HNRNPR: variants seen among roughly 807,000 people sequenced by gnomAD.
The protein encoded by HNRNPR is heterogeneous nuclear ribonucleoprotein R.
Under a neutral mutation model 70.3 loss-of-function variants are expected in HNRNPR, and 4 were observed. The observed-to-expected ratio is 0.06, with a 90% confidence interval of 0.03 to 0.13. HNRNPR has a LOEUF of 0.13. Among genes scored for constraint, HNRNPR ranks in the 10% least tolerant of loss-of-function variants. The pLI is 1.00. For synonymous variants in HNRNPR, 241 were observed against 267.6 expected (o/e 0.90, Z 0.97); for missense variants, 423 against 788.5 (o/e 0.54, Z 5.55).
chr1:23,336,486 G>A (rs1360776916), intron 4 of HNRNPR, among the ~76,000 whole-genome samples: 1 of 145,036 alleles, frequency 6.9e-6, no homozygotes, highest in Non-Finnish European at 1.5e-5. Context: ...GCAGGAGAAT[G>A]GCGTGAACCC....
At chr1:23,342,800 T>C (rs1646752397) in intron 1 of HNRNPR, among the ~76,000 whole-genome samples, 1 of 152,124 alleles carries the variant, frequency 6.6e-6, no homozygotes, top group Admixed American at 6.5e-5. Flanking sequence ...TCAATGAACA[T>C]CTGTTAAGGT....
intron 1 of HNRNPR, among the ~76,000 whole-genome samples, chr1:23,341,258 A>C (rs2103911): frequency 0.56 from 84,444 of 151,692 alleles, 27,288 homozygotes; most frequent in Non-Finnish European, 0.73. Context: ...GGGTAAGATA[A>C]AGGCTTTAAT....
At chr1:23,337,703 G>T in intron 4 of HNRNPR, 51 bp downstream of exon 4, 1 of 1,013,452 alleles carries the variant, frequency 9.9e-7, no homozygotes, top group Non-Finnish European at 1.5e-6. Context: ...AGAGGCATTT[G>T]ACCTCATCAT....
In HNRNPR at chr1:23,333,563, T is replaced by C. The variant is rs774764178; in HGVS notation, c.453A>G (p.Pro151=). 1 of 1,613,924 alleles carries C rather than the reference T, an allele frequency of 6.2e-7. No individual in the cohort carries two copies. The highest frequency in any genetic ancestry group is 1.1e-5 in the South Asian group (1 of 91,076). The change falls in exon 5 of 11, where the codon CCA becomes CCG. Residue 151 remains proline, a synonymous_variant. Transcript: ENST00000302271. Reference sequence around the variant, plus strand: ...GCACGCCAGAGTACACACTGTCTGGTGGAGGACCACCATACTTCCTCTGTC... The same window carrying C: ...GCACGCCAGAGTACACACTGTCTGGCGGAGGACCACCATACTTCCTCTGTC... ...TTGQRKYGGP[P]PDSVYSGVQP... is the part of the protein sequence containing the mutation.
intron 8 of HNRNPR, among the ~76,000 whole-genome samples, chr1:23,315,196 C>T (rs1392225889): frequency 6.8e-6 from 1 of 147,724 alleles, no homozygotes; most frequent in African/African-American, 2.6e-5. Flanking sequence ...AGGAGAATCA[C>T]TTGAACCCGG....
intron 4 of HNRNPR, among the ~76,000 whole-genome samples, chr1:23,336,795 G>A (rs1305834630): frequency 6.7e-6 from 1 of 150,130 alleles, no homozygotes; most frequent in African/African-American, 2.4e-5. Flanking sequence ...AGAAAAGTAT[G>A]TCACTACAGC....
chr1:23,329,579 A>G (rs567893471), intron 5 of HNRNPR, among the ~76,000 whole-genome samples: 88 of 152,334 alleles, frequency 5.8e-4, no homozygotes, highest in African/African-American at 2.1e-3. Context: ...GCTGTCTACA[A>G]TTTATCCATC....
At chr1:23,313,910 T>C (rs187390389) in intron 8 of HNRNPR, among the ~76,000 whole-genome samples, 84 of 152,284 alleles carry the variant, frequency 5.5e-4, no homozygotes, top group Admixed American at 4.4e-3. Context: ...TTCTCCTATG[T>C]TGTCATTAAA....
chr1:23,315,870 C>CCT (rs1557837350), intron 8 of HNRNPR, among the ~76,000 whole-genome samples: 1 of 152,088 alleles, frequency 6.6e-6, no homozygotes, highest in African/African-American at 2.4e-5. Context: ...TAAGGTCCAG[C>CCT]CTCTATGTTA....
chr1:23,313,787 T>C, intron 8 of HNRNPR, 85 bp from the exon 9 acceptor site: 1 of 1,412,116 alleles, frequency 7.1e-7, no homozygotes, highest in South Asian at 1.3e-5. Context: ...TAGCATAGCT[T>C]TTCTCCTCTA....
At chr1:23,335,751 A>C (rs1646448265) in intron 4 of HNRNPR, among the ~76,000 whole-genome samples, 1 of 152,192 alleles carries the variant, frequency 6.6e-6, no homozygotes. Flanking sequence ...TGAGTTGTAT[A>C]ATTATTTCAT....
rs1336230288 is a variant in HNRNPR at position 23,309,174 on chromosome 1, CA to C, written c.*1279del. 2 of 152,058 alleles carry C rather than the reference CA, an allele frequency of 1.3e-5. No individual in the cohort carries two copies. Among genetic ancestry groups the C allele is most frequent in the African/African-American group, 4.8e-5 (2 of 41,432 alleles). The allele number at this position is 152,058 out of a possible 1,614,324, so 9.4% of individuals were successfully genotyped here. A position where few individuals can be genotyped will look rare whatever the true frequency, so the allele number is the denominator to read the frequency against. On this transcript the variant is annotated 3_prime_UTR_variant, in exon 11 of 11. Transcript: ENST00000302271. ...AATAAACGAAGTGTTAACAGAAAGT[CA>C]AAGGTATTACTACTGGATATTTTTA...
At chr1:23,325,155 A>C (rs568892790) in intron 5 of HNRNPR, among the ~76,000 whole-genome samples, 2 of 152,228 alleles carry the variant, frequency 1.3e-5, no homozygotes, top group South Asian at 4.1e-4. Flanking sequence ...AAAAACAAAA[A>C]ATTTTATATT....
intron 8 of HNRNPR, 107 bp from the exon 9 acceptor site, chr1:23,313,809 G>A (rs530590395): frequency 1.6e-6 from 2 of 1,237,280 alleles, no homozygotes; most frequent in East Asian, 2.6e-5. Flanking sequence ...AACATTAAGT[G>A]CTAAAAGTGT....
rs1376065528 is a variant in HNRNPR, at chr1:23,305,326, C to G, written c.*5128G>C. On this transcript the variant is annotated 3_prime_UTR_variant, in exon 11 of 11. Coordinates refer to ENST00000302271, the MANE Select transcript of HNRNPR (RefSeq NM_005826.5). ...ACACATGCATAAAATGTTACCTTAA[C>G]ACAACCCTGCAATCACTACAATTCT... 3 of 152,170 alleles carry G rather than the reference C, an allele frequency of 2.0e-5. No homozygotes were observed. The highest frequency in any genetic ancestry group is 2.9e-5 in the Non-Finnish European group (2 of 68,018). 9.4% of individuals were successfully genotyped at this position (152,170 alleles called of 1,614,324 possible).
chr1:23,339,475 T>C (rs1646629265), intron 2 of HNRNPR, among the ~76,000 whole-genome samples: 1 of 152,238 alleles, frequency 6.6e-6, no homozygotes, highest in Non-Finnish European at 1.5e-5. Context: ...GTTTAAAATA[T>C]AATTTCTTAA....
chr1:23,320,905 G>A (rs1312100601), intron 7 of HNRNPR, among the ~76,000 whole-genome samples: 2 of 152,112 alleles, frequency 1.3e-5, no homozygotes, highest in Non-Finnish European at 2.9e-5. Context: ...TGTGGCTCAC[G>A]CCTGTAATCC....
chr1:23,305,785 A>G lies in HNRNPR; in HGVS notation c.*4669T>C, dbSNP rs1348140597. On this transcript the variant is annotated 3_prime_UTR_variant, in exon 11 of 11. Coordinates refer to ENST00000302271, the MANE Select transcript of HNRNPR (RefSeq NM_005826.5). The stretch of plus-strand genomic sequence containing the variant: ...TTCACACAAAACACAAGTTGTTCAT[A>G]GGTTTATGTTTCTGCTATGTTCAAG... The G allele has an allele frequency of 6.6e-6, 1 of 152,172 alleles. No homozygotes were observed. The highest frequency in any genetic ancestry group is 1.5e-5 in the Non-Finnish European group (1 of 68,010). The allele number at this position is 152,172 out of a possible 1,614,324, so 9.4% of individuals were successfully genotyped here.
chr1:23,319,070 C>T (rs1301295684), intron 7 of HNRNPR, among the ~76,000 whole-genome samples: 4 of 152,134 alleles, frequency 2.6e-5, no homozygotes, highest in Admixed American at 6.5e-5. Flanking sequence ...GGCCAAAAAT[C>T]TTCCTTGAAG....
Sources: gnomAD v4.1 joint callset for allele counts (sites outside exome capture counted in the v4.1 genomes callset) on GRCh38, gnomAD v4.1.1 for gene constraint, MANE v1.5 for transcripts, NCBI Gene and HGNC (gene_info 2026-07-23, HGNC 2026-07-21) for gene names.